KHDRBS1: variants seen among roughly 807,000 people sequenced by gnomAD.
KHDRBS1 encodes KH domain-containing, RNA-binding, signal transduction-associated protein 1.
In KHDRBS1, 7 loss-of-function variants were observed where a neutral mutation model predicts 48.4. The observed-to-expected ratio is 0.14, with a 90% CI of 0.08 to 0.27. The LOEUF is 0.27. KHDRBS1 is among the 10% of genes least tolerant of loss of function. The pLI is 1.00. For missense variants in KHDRBS1, 458 were observed against 601.2 expected, an observed-to-expected ratio of 0.76 and a Z score of 2.49; for synonymous variants, 241 against 235.8, an observed-to-expected ratio of 1.02 and a Z score of -0.20.
intron 10 of KHDRBS1, among the ~76,000 whole-genome samples, chr1:32,051,980 A>AT (rs1261561871): frequency 6.6e-6 from 1 of 152,018 alleles, no homozygotes; most frequent in Non-Finnish European, 1.5e-5. Flanking sequence ...AGTCATTTTC[A>AT]TTTTTTTCCC....
At chr1:32,058,808 A>G (rs1352087955) in intron 10 of KHDRBS1, among the ~76,000 whole-genome samples, 1 of 152,164 alleles carries the variant, frequency 6.6e-6, no homozygotes, top group Non-Finnish European at 1.5e-5. Flanking sequence ...CTCAACAACA[A>G]CAAAAAAGGT....
At chr1:32,033,102 AT>A in intron 3 of KHDRBS1, 85 bp from the exon 4 acceptor site, 1 of 1,000,828 alleles carries the variant, frequency 1.0e-6, no homozygotes, top group Non-Finnish European at 1.6e-6. Context: ...CATTAGGGGT[AT>A]TTCTTGCTGT....
At chr1:32,036,857 C>A in intron 4 of KHDRBS1, 53 bp from the exon 5 acceptor site, 2 of 1,546,532 alleles carry the variant, frequency 1.3e-6, no homozygotes, top group South Asian at 1.2e-5. Flanking sequence ...CAGATGATTT[C>A]TCAGTAGAAA....
intron 1 of KHDRBS1, among the ~76,000 whole-genome samples, chr1:32,023,052 T>C (rs746368132): frequency 5.3e-5 from 8 of 152,166 alleles, no homozygotes; most frequent in Non-Finnish European, 1.0e-4. Context: ...TTCTTACTAT[T>C]TTTCTTATTA....
intron 1 of KHDRBS1, among the ~76,000 whole-genome samples, chr1:32,021,191 T>C (rs542001272): frequency 7.9e-5 from 12 of 152,258 alleles, no homozygotes; most frequent in African/African-American, 2.9e-4. Flanking sequence ...GAGACCATAG[T>C]CAATATGACA....
chr1:32,033,446 A>G lies in KHDRBS1; in HGVS notation c.771+112A>G, dbSNP rs1034859854. On this transcript the variant is annotated intron_variant, in intron 4 of 8. Transcript: ENST00000327300. Reference sequence around the variant, plus strand: ...CTCTGCATAACCTGTATGTATACCAAATTCTGCACTTATGTTCATTTTCCT... The same window carrying G: ...CTCTGCATAACCTGTATGTATACCAGATTCTGCACTTATGTTCATTTTCCT... 7.2e-6 allele frequency: 10 copies of G among 1,380,284 alleles called. No homozygotes were observed. The African/African-American group carries it at 1.3e-4, about 18-fold the overall frequency. 85.5% of individuals were successfully genotyped at this position (1,380,284 alleles called of 1,614,324 possible). A position where few individuals can be genotyped will look rare whatever the true frequency, so the allele number is the denominator to read the frequency against.
intron 4 of KHDRBS1, among the ~76,000 whole-genome samples, chr1:32,035,632 C>A (rs1639163716): frequency 1.3e-5 from 2 of 152,310 alleles, no homozygotes; most frequent in Admixed American, 1.3e-4. Context: ...AGGAAGAGCA[C>A]TGGACTATGT....
chr1:32,015,470 T>A (rs1557887448), intron 1 of KHDRBS1, among the ~76,000 whole-genome samples: 1 of 152,212 alleles, frequency 6.6e-6, no homozygotes, highest in East Asian at 1.9e-4. Context: ...GAAAATATTA[T>A]CTCCCTCCCT....
chr1:32,022,083 T>C (rs374721183), intron 1 of KHDRBS1, among the ~76,000 whole-genome samples: 2 of 151,988 alleles, frequency 1.3e-5, no homozygotes, highest in African/African-American at 2.4e-5. Flanking sequence ...TTCTCCTCTC[T>C]CAGCCTCCTG....
chr1:32,045,604 TC>T (rs1639347472), downstream of KHDRBS1, among the ~76,000 whole-genome samples: 1 of 152,234 alleles, frequency 6.6e-6, no homozygotes, highest in African/African-American at 2.4e-5. Flanking sequence ...ATCTGTTGAA[TC>T]CCACTCTGTT....
intron 1 of KHDRBS1, among the ~76,000 whole-genome samples, chr1:32,024,699 T>C (rs1191819832): frequency 1.3e-5 from 2 of 150,568 alleles, no homozygotes; most frequent in Non-Finnish European, 2.9e-5. Flanking sequence ...TTAACCTCTT[T>C]GAGTTTTTGT....
intron 10 of KHDRBS1, among the ~76,000 whole-genome samples, chr1:32,050,620 C>T (rs569310730): frequency 6.6e-6 from 1 of 151,606 alleles, no homozygotes; most frequent in Admixed American, 6.6e-5. Context: ...TCAAGCAGTT[C>T]TCATGCTTCA....
At position 32,039,027 on chromosome 1, in the gene KHDRBS1, A is replaced by C. The variant is rs74064027; in HGVS notation, c.1175+408A>C. Among the ~76,000 whole-genome samples, 1,275 of 152,356 alleles carry C rather than the reference A, an allele frequency of 8.4e-3. 29 individuals carry two copies. Among genetic ancestry groups the C allele is most frequent in the African/African-American group, 0.029 (1,196 of 41,584 alleles). On this transcript the variant is annotated intron_variant, in intron 7 of 8. Coordinates refer to ENST00000327300, the MANE Select transcript of KHDRBS1 (RefSeq NM_006559.3). ...TGTTATTTTGATTTATTATTTTAAA[A>C]TATCAAAACCACATTAAAGCTCCAT...
intron 1 of KHDRBS1, among the ~76,000 whole-genome samples, chr1:32,024,055 C>G (rs149316278): frequency 6.6e-6 from 1 of 152,280 alleles, no homozygotes; most frequent in East Asian, 1.9e-4. Context: ...AGTTGAAGAC[C>G]AGCCTGGCCA....
intron 1 of KHDRBS1, among the ~76,000 whole-genome samples, chr1:32,025,500 T>A (rs1638949916): frequency 6.6e-6 from 1 of 151,016 alleles, no homozygotes; most frequent in Admixed American, 6.6e-5. Context: ...GGGGTTTCAC[T>A]GTATTGGTCA....
chr1:32,029,316 G>T (rs1639036633), intron 1 of KHDRBS1, among the ~76,000 whole-genome samples: 1 of 152,256 alleles, frequency 6.6e-6, no homozygotes, highest in South Asian at 2.1e-4. Context: ...CATTAATTAT[G>T]TATAACTTTT....
At position 32,035,881 on chromosome 1, in the gene KHDRBS1, TA is replaced by T. The variant is rs137854970; in HGVS notation, c.772-1028del. Reference sequence around the variant, plus strand: ...TGGTACTTTGAGAAAAGAGGAGTTGTAGGGGTGGCATCAAGAGAAAGTTTTT... The same window carrying T: ...TGGTACTTTGAGAAAAGAGGAGTTGTGGGGTGGCATCAAGAGAAAGTTTTT... On this transcript the variant is annotated intron_variant, in intron 4 of 8. Transcript: ENST00000327300. 3.6e-4 allele frequency among the ~76,000 whole-genome samples: 55 copies of T among 152,308 alleles called. No individual in the cohort carries two copies. The East Asian group carries it at 7.9e-3, about 22-fold the overall frequency.
At chr1:32,016,529 A>AT (rs1338436140) in intron 1 of KHDRBS1, among the ~76,000 whole-genome samples, 3 of 152,266 alleles carry the variant, frequency 2.0e-5, no homozygotes, top group Non-Finnish European at 4.4e-5. Flanking sequence ...AAAAAAGTAT[A>AT]TTTGAAAGTA....
chr1:32,031,699 C>A, intron 3 of KHDRBS1, 59 bp downstream of exon 3: 1 of 1,093,602 alleles, frequency 9.1e-7, no homozygotes, highest in Non-Finnish European at 1.3e-6. Context: ...GCCCAGAATG[C>A]AGTATGGATG....
Sources: gnomAD v4.1 joint callset for allele counts (sites outside exome capture counted in the v4.1 genomes callset) on GRCh38, gnomAD v4.1.1 for gene constraint, MANE v1.5 for transcripts, NCBI Gene and HGNC (gene_info 2026-07-23, HGNC 2026-07-21) for gene names.